The following MLLT6 variants were observed in gnomAD, a reference collection of about 807,000 sequenced individuals.
MLLT6 encodes MLLT6, PHD finger containing.
A neutral mutation model predicts 103.0 loss-of-function variants in MLLT6; 22 were observed. The ratio of observed to expected loss-of-function variants is 0.21; its 90% CI spans 0.15 to 0.31. The LOEUF (loss-of-function observed/expected upper bound fraction) is 0.31. Among genes scored for constraint, MLLT6 ranks in the 10% least tolerant of loss-of-function variants. MLLT6 has a pLI of 1.00. For missense variants in MLLT6, 1,199 were observed against 1,441.7 expected (o/e 0.83, Z 2.73); for synonymous variants, 606 against 623.5 (o/e 0.97, Z 0.42).
At chr17:38,710,479 G>GGC (rs1905108997) in intron 6 of MLLT6, among the ~76,000 whole-genome samples, 1 of 152,176 alleles carries the variant, frequency 6.6e-6, no homozygotes, top group African/African-American at 2.4e-5. Flanking sequence ...GCCGCTGTGA[G>GGC]GCTAGATCAG....
chr17:38,715,012 C>T (rs2143684143), intron 8 of MLLT6, among the ~76,000 whole-genome samples: 1 of 152,336 alleles, frequency 6.6e-6, no homozygotes. Flanking sequence ...GGAAGAGGGA[C>T]TTCCAAGCTG....
At position 38,717,548 on chromosome 17, in the gene MLLT6, C is replaced by T. The variant is rs775668447; in HGVS notation, c.1768C>T (p.Arg590Cys). The change falls in exon 11 of 20, where the codon CGC becomes TGC. Residue 590 changes from arginine to cysteine, a missense_variant. Arg to Cys is a radical substitution (Grantham distance 180). This residue lies in a region of MLLT6 where 1,034 missense variants were observed against 1,091.5 expected (regional missense o/e 0.95). Coordinates refer to ENST00000621332, the MANE Select transcript of MLLT6 (RefSeq NM_005937.4). The stretch of plus-strand genomic sequence containing the variant: ...GCCCCCAGGGACCTCGGCCCTGCCC[C>T]GCCTCAGCCGCTCCCCGTTCACCAG... ...LGPPGTSALP[R>C]LSRSPFTSTL... 17 of 1,613,734 alleles carry T rather than the reference C, an allele frequency of 1.1e-5. No individual in the cohort carries two copies. Among genetic ancestry groups the T allele is most frequent in the African/African-American group, 4.0e-5 (3 of 74,886 alleles).
chr17:38,720,227 T>TC, intron 14 of MLLT6, 145 bp from the exon 15 acceptor site: 2 of 834,980 alleles, frequency 2.4e-6, no homozygotes, highest in South Asian at 3.5e-5. Flanking sequence ...CCGCCTCTCT[T>TC]CTCAGAGCTC....
At chr17:38,723,737 G>A (rs1905878121) in intron 18 of MLLT6, among the ~76,000 whole-genome samples, 1 of 149,250 alleles carries the variant, frequency 6.7e-6, no homozygotes. Context: ...AAAGGGAATT[G>A]AAAACTTTTT....
intron 1 of MLLT6, 168 bp downstream of exon 1, chr17:38,705,909 G>A (rs1038728616): frequency 3.6e-6 from 1 of 281,664 alleles, no homozygotes; most frequent in East Asian, 6.4e-5. Flanking sequence ...CTGGAAGACC[G>A]GGTCAGGCAT....
At chr17:38,710,837 C>T (rs774252531) in intron 6 of MLLT6, among the ~76,000 whole-genome samples, 1 of 152,046 alleles carries the variant, frequency 6.6e-6, no homozygotes, top group Non-Finnish European at 1.5e-5. Flanking sequence ...ACGTGGTCAC[C>T]GTGGTTTCAG....
At position 38,727,680 on chromosome 17, in the gene MLLT6, A is replaced by G. The variant is rs945609898; in HGVS notation, c.*2082A>G. 1.0e-5 allele frequency: 2 copies of G among 195,904 alleles called. No individual in the cohort carries two copies. Among genetic ancestry groups the G allele is most frequent in the African/African-American group, 2.3e-5 (1 of 43,292 alleles). 12.1% of individuals were successfully genotyped at this position (195,904 alleles called of 1,614,324 possible). The stretch of plus-strand genomic sequence containing the variant: ...CATGGTGGCACGTGCCTGTAATCCC[A>G]GCTACTTGGGAGGCTGAGGCACGAG... On this transcript the variant is annotated 3_prime_UTR_variant, in exon 20 of 20. Transcript: ENST00000621332.
rs773713937 is a variant in MLLT6, at chr17:38,715,619, C to G, written c.827C>G (p.Ser276Cys). 1.9e-6 allele frequency: 3 copies of G among 1,612,076 alleles called. No homozygotes were observed. The African/African-American group carries it at 4.0e-5, about 22-fold the overall frequency. ...PVVPTADKVSSSASSSSHHEA... is the reference protein window; with the variant it reads ...PVVPTADKVSCSASSSSHHEA... ...CTCTCTCCTCTCCTTCAGGTCTCCT[C>G]CTCGGCTTCCTCTTCCTCCCACCAC... The change falls in exon 9 of 20, where the codon TCC becomes TGC. Residue 276 changes from serine (S) to cysteine (C), a missense_variant. By Grantham distance (112) the Ser-to-Cys change is moderately radical. Around this residue, in one of 7 missense-constraint regions of MLLT6, gnomAD observed 1,034 missense variants for 1,091.5 expected, o/e 0.95. Coordinates refer to ENST00000621332, the MANE Select transcript of MLLT6 (RefSeq NM_005937.4).
intron 8 of MLLT6, chr17:38,714,636 G>A (rs560390418): frequency 2.0e-3 from 301 of 152,418 alleles, no homozygotes; most frequent in Non-Finnish European, 2.3e-3. Context: ...CTACTTGGGA[G>A]GCTGAGGCAG....
intron 8 of MLLT6, chr17:38,714,429 A>G (rs1000096086): frequency 6.6e-6 from 1 of 152,272 alleles, no homozygotes; most frequent in Non-Finnish European, 1.5e-5. Flanking sequence ...CGACGTTGAG[A>G]CTTTGCACAG....
At chr17:38,708,794 T>C (rs985559538) in intron 4 of MLLT6, among the ~76,000 whole-genome samples, 5 of 150,472 alleles carry the variant, frequency 3.3e-5, no homozygotes, top group African/African-American at 1.2e-4. Flanking sequence ...ACTCGGGAGG[T>C]TGAGGCAGGA....
Position 38,727,157 on chromosome 17 carries a change from A to C in MLLT6, c.*1559A>C, listed in dbSNP as rs1308141754. 3 of 230,840 alleles carry C rather than the reference A, an allele frequency of 1.3e-5. No homozygotes were observed. Among genetic ancestry groups the C allele is most frequent in the Non-Finnish European group, 2.6e-5 (3 of 117,408 alleles). The allele number at this position is 230,840 out of a possible 1,614,324, so 14.3% of individuals were successfully genotyped here. On this transcript the variant is annotated 3_prime_UTR_variant, in exon 20 of 20. Coordinates refer to ENST00000621332, the MANE Select transcript of MLLT6 (RefSeq NM_005937.4). ...GGTTTTTTTTTTTTTTTTAATAAAG[A>C]AAAGAAGATGTGTATATTTTTGGCA...
rs994376251 is a variant in MLLT6 at position 38,722,332 on chromosome 17, C to T, written c.2792+105C>T. Reference sequence around the variant, plus strand: ...CCACAATCCCTAAAAGGAAAAATGGCCTCTGGTCTCACAGGGTATATAATC... The same window carrying T: ...CCACAATCCCTAAAAGGAAAAATGGTCTCTGGTCTCACAGGGTATATAATC... On this transcript the variant is annotated intron_variant, in intron 17 of 19. Coordinates refer to ENST00000621332, the MANE Select transcript of MLLT6 (RefSeq NM_005937.4). 7 of 873,940 alleles carry T rather than the reference C, an allele frequency of 8.0e-6. No homozygotes were observed. The African/African-American group carries it at 8.7e-5, about 11-fold the overall frequency. The allele number at this position is 873,940 out of a possible 1,614,324, so 54.1% of individuals were successfully genotyped here.
intron 10 of MLLT6, 56 bp from the exon 11 acceptor site, chr17:38,717,376 G>A (rs1204474024): frequency 2.8e-6 from 4 of 1,416,326 alleles, no homozygotes; most frequent in Non-Finnish European, 3.8e-6. Context: ...ACCTGGCTGA[G>A]CAGGAGTCTG....
Position 38,722,668 on chromosome 17 carries a change from C to A in MLLT6, c.2793-10C>A. The A allele has an allele frequency of 1.5e-6, 1 of 669,344 alleles. No individual in the cohort carries two copies. Among genetic ancestry groups the A allele is most frequent in the Non-Finnish European group, 2.6e-6 (1 of 378,548 alleles). 41.5% of individuals were successfully genotyped at this position (669,344 alleles called of 1,614,324 possible). Reference sequence around the variant, plus strand: ...TGTTGTCCCCCCCCCACCCCCCACCCCCACCTCAGCCTTACAGAGCAGCAG... The same window carrying A: ...TGTTGTCCCCCCCCCACCCCCCACCACCACCTCAGCCTTACAGAGCAGCAG... On this transcript the variant is annotated splice_polypyrimidine_tract_variant and intron_variant, in intron 17 of 19. Transcript: ENST00000621332.
chr17:38,721,400 C>T (rs1266731609), intron 16 of MLLT6, among the ~76,000 whole-genome samples: 1 of 152,132 alleles, frequency 6.6e-6, no homozygotes, highest in African/African-American at 2.4e-5. Context: ...ACTACTGTTA[C>T]CCCCCAGCTT....
intron 14 of MLLT6, 200 bp downstream of exon 14, chr17:38,720,095 TC>T: frequency 1.2e-6 from 1 of 810,348 alleles, no homozygotes; most frequent in Non-Finnish European, 1.9e-6. Flanking sequence ...CCTTTGGCCT[TC>T]GTGGCCTCCG....
rs1171509850 is a variant in MLLT6 at position 38,725,795 on chromosome 17, T to G, written c.*197T>G. On this transcript the variant is annotated 3_prime_UTR_variant, in exon 20 of 20. Coordinates refer to ENST00000621332, the MANE Select transcript of MLLT6 (RefSeq NM_005937.4). ...GGGGAGCCCCCTCCATCTGGCCCCC[T>G]TCCCTTTCCGCACTGTCCGCTTTGT... 15 of 545,556 alleles carry G rather than the reference T, an allele frequency of 2.7e-5. No homozygotes were observed. Among genetic ancestry groups the G allele is most frequent in the South Asian group, 1.8e-4 (7 of 38,496 alleles). The allele number at this position is 545,556 out of a possible 1,614,324, so 33.8% of individuals were successfully genotyped here.
Position 38,709,030 on chromosome 17 carries a change from G to T in MLLT6, c.355-143G>T, listed in dbSNP as rs1409289810. 3.0e-6 allele frequency: 2 copies of T among 675,774 alleles called. No homozygotes were observed. The highest frequency in any genetic ancestry group is 5.2e-6 in the Non-Finnish European group (2 of 387,476). 41.9% of individuals were successfully genotyped at this position (675,774 alleles called of 1,614,324 possible). ...TGTCTTGGACGGCGCAGACCATAGA[G>T]CGTTTTCATCACTGCAGACAGTTCT... On this transcript the variant is annotated intron_variant, in intron 4 of 19. Coordinates refer to ENST00000621332, the MANE Select transcript of MLLT6 (RefSeq NM_005937.4). This position sits in a 1 kb window ranked among gnomAD's most constrained non-coding sequence, Gnocchi z 4.3.
Sources: allele counts gnomAD v4.1 joint callset (sites outside exome capture counted in the v4.1 genomes callset), GRCh38; gene constraint gnomAD v4.1.1; regional missense constraint gnomAD v4.1.1; non-coding constraint Gnocchi (gnomAD v3.1); transcripts MANE v1.5; gene names NCBI Gene and HGNC (gene_info 2026-07-23, HGNC 2026-07-21).